The following BAHD1 variants were observed in gnomAD, a reference collection of about 807,000 sequenced individuals.
BAHD1 encodes the protein bromo adjacent homology domain-containing 1 protein.
In BAHD1, 20 loss-of-function variants were observed where a neutral mutation model predicts 63.1. The observed-to-expected ratio is 0.32, with a 90% CI of 0.22 to 0.46. BAHD1 has a LOEUF of 0.46. BAHD1 is among the 20% of genes least tolerant of loss of function. The pLI is 1.00. For synonymous variants in BAHD1, 408 were observed against 426.8 expected (o/e 0.96, Z 0.54); for missense variants, 939 against 1,071.8 (o/e 0.88, Z 1.73).
At position 40,459,492 on chromosome 15, in the gene BAHD1, A is replaced by G. The variant is rs202104894; in HGVS notation, c.1028A>G (p.His343Arg). The change falls in exon 2 of 7, where the codon CAT becomes CGT. Residue 343 changes from histidine (H) to arginine (R), a missense_variant. Transcript: ENST00000416165. ...EESPAPKQEL[H>R]QPSFPTPQLS... ...TCACCTGCCCCTAAGCAGGAACTGCATCAGCCCTCTTTCCCCACACCTCAG... is the reference window on the plus strand; with the variant it reads ...TCACCTGCCCCTAAGCAGGAACTGCGTCAGCCCTCTTTCCCCACACCTCAG... The G allele has an allele frequency of 5.3e-5, 85 of 1,613,848 alleles. No individual in the cohort carries two copies. Among genetic ancestry groups the G allele is most frequent in the Non-Finnish European group, 3.6e-5 (42 of 1,180,026 alleles).
At chr15:40,451,820 C>T (rs1424557836) in intron 1 of BAHD1, among the ~76,000 whole-genome samples, 1 of 152,256 alleles carries the variant, frequency 6.6e-6, no homozygotes, top group Non-Finnish European at 1.5e-5. Flanking sequence ...CTTATGCACA[C>T]ATGAGTTGTG....
Position 40,466,008 on chromosome 15 carries a change from T to G in BAHD1, c.2221T>G (p.Ser741Ala). ...PSRKTALVPP[S>A]ADYSTPPHRT... is the part of the protein sequence containing the mutation. Reference sequence around the variant, plus strand: ...CCGAAAGACAGCACTGGTTCCCCCCTCTGCAGACTATTCCACCCCACCCCA... The same window carrying G: ...CCGAAAGACAGCACTGGTTCCCCCCGCTGCAGACTATTCCACCCCACCCCA... The change falls in exon 7 of 7, where the codon TCT (serine) becomes GCT (alanine). Residue 741 changes from serine to alanine, a missense_variant. Physicochemically the swap from Ser to Ala is moderately conservative, Grantham distance 99. Around this residue, in one of 5 missense-constraint regions of BAHD1, gnomAD observed 68 missense variants for 86.2 expected, o/e 0.79. Transcript: ENST00000416165. The G allele has an allele frequency of 6.2e-7, 1 of 1,613,544 alleles. No individual in the cohort carries two copies.
chr15:40,452,210 T>C (rs1008062010), intron 1 of BAHD1, among the ~76,000 whole-genome samples: 1 of 152,236 alleles, frequency 6.6e-6, no homozygotes, highest in Non-Finnish European at 1.5e-5. Context: ...ACAGAATGAA[T>C]TGAGTGCCCG....
At chr15:40,465,069 G>A (rs560939775) in intron 5 of BAHD1, 5 of 510,034 alleles carry the variant, frequency 9.8e-6, no homozygotes, top group South Asian at 4.6e-5. Context: ...CCTCTCCTAC[G>A]CTAGGCAGGG....
In BAHD1 at chr15:40,457,299, G is replaced by A. The variant is rs1240962902; in HGVS notation, c.-14-1152G>A. Among the ~76,000 whole-genome samples the A allele has an allele frequency of 2.0e-5, 3 of 151,458 alleles. No homozygotes were observed. The East Asian group carries it at 5.9e-4, about 30-fold the overall frequency. ...CGTCCCTGGGTTTTCTCTACCCCCA[G>A]GAATATGCTGATCCTGGCCTTACTG... On this transcript the variant is annotated intron_variant, in intron 1 of 6. Transcript: ENST00000416165.
chr15:40,448,476 G>A (rs1893608851), intron 1 of BAHD1, among the ~76,000 whole-genome samples: 1 of 152,194 alleles, frequency 6.6e-6, no homozygotes, highest in South Asian at 2.1e-4. Context: ...GAGGCAGTGT[G>A]TTGCAGTGCA....
At chr15:40,464,406 C>A in intron 4 of BAHD1, 65 bp from the exon 5 acceptor site, 4 of 1,432,092 alleles carry the variant, frequency 2.8e-6, no homozygotes, top group Non-Finnish European at 2.9e-6. Flanking sequence ...GCCAGCCAGC[C>A]TCTCTGCCTG....
Position 40,459,412 on chromosome 15 carries a change from G to T in BAHD1, c.948G>T (p.Leu316=), listed in dbSNP as rs776179953. 1 of 1,613,026 alleles carries T rather than the reference G, an allele frequency of 6.2e-7. No homozygotes were observed. The highest frequency in any genetic ancestry group is 1.3e-5 in the African/African-American group (1 of 74,922). Residue 316 remains leucine, a synonymous_variant, in exon 2 of 7, where the codon CTG becomes CTT. Transcript: ENST00000416165. ...SPLGLRPHLP[L]LMGGQAALKP... ...TGGGGCTGCGCCCTCACCTGCCCCT[G>T]CTGATGGGTGGACAGGCGGCTCTGA...
In BAHD1 at chr15:40,459,591, T is replaced by G; in HGVS notation, c.1127T>G (p.Leu376Arg). Residue 376 changes from leucine to arginine, a missense_variant, in exon 2 of 7, where the codon CTA becomes CGA. Leu to Arg is a moderately radical substitution (Grantham distance 102). Coordinates refer to ENST00000416165, the MANE Select transcript of BAHD1 (RefSeq NM_014952.5). ...GLCVGPELTA[L>R]GSFYLYCGQE... ...TGTGTTGGGCCTGAGCTCACTGCAC[T>G]AGGCAGCTTCTACCTGTACTGTGGC... The G allele has an allele frequency of 1.9e-6, 3 of 1,614,208 alleles. No individual in the cohort carries two copies. The highest frequency in any genetic ancestry group is 2.5e-6 in the Non-Finnish European group (3 of 1,180,038).
chr15:40,459,231 A>C lies in BAHD1; in HGVS notation c.767A>C (p.Asn256Thr). Reference protein sequence around the residue: ...RPKWPKVNGKNYPKAWQGASS... With the variant: ...RPKWPKVNGKTYPKAWQGASS... ...AAGTGGCCCAAGGTCAATGGCAAGA[A>C]CTATCCCAAGGCTTGGCAGGGGGCC... The change falls in exon 2 of 7, where the codon AAC (asparagine) becomes ACC (threonine). Residue 256 changes from asparagine (N) to threonine (T), a missense_variant. Transcript: ENST00000416165. The C allele has an allele frequency of 6.2e-7, 1 of 1,612,302 alleles. No individual in the cohort carries two copies. The highest frequency in any genetic ancestry group is 1.7e-4 in the Middle Eastern group (1 of 6,056).
rs1349607517 is a variant in BAHD1, at chr15:40,441,050, C to T, written c.-233C>T. Among the ~76,000 whole-genome samples the T allele has an allele frequency of 6.8e-6, 1 of 145,992 alleles. No individual in the cohort carries two copies. Among genetic ancestry groups the T allele is most frequent in the Non-Finnish European group, 1.5e-5 (1 of 65,708 alleles). ...CCTGCCCCGCCCGTCCGGCCCCCGCCGTCCGCCCGCCCCGGCCAGGCGCGC... is the reference window on the plus strand; with the variant it reads ...CCTGCCCCGCCCGTCCGGCCCCCGCTGTCCGCCCGCCCCGGCCAGGCGCGC... On this transcript the variant is annotated 5_prime_UTR_variant, in exon 1 of 7. Coordinates refer to ENST00000416165, the MANE Select transcript of BAHD1 (RefSeq NM_014952.5).
At chr15:40,460,927 A>G (rs1480559664) in intron 2 of BAHD1, among the ~76,000 whole-genome samples, 1 of 152,088 alleles carries the variant, frequency 6.6e-6, no homozygotes, top group Non-Finnish European at 1.5e-5. Context: ...TTTTTGTGCC[A>G]TTCCCCAAGT....
At chr15:40,464,380 A>T in intron 4 of BAHD1, 91 bp from the exon 5 acceptor site, 1 of 1,146,082 alleles carries the variant, frequency 8.7e-7, no homozygotes, top group South Asian at 1.4e-5. Context: ...TTGAGGTTGG[A>T]TGAACCTCCA....
At chr15:40,461,047 A>G (rs1894023837) in intron 2 of BAHD1, among the ~76,000 whole-genome samples, 1 of 152,196 alleles carries the variant, frequency 6.6e-6, no homozygotes, top group African/African-American at 2.4e-5. Flanking sequence ...GTAATTGAGC[A>G]CAGACTCCGA....
intron 1 of BAHD1, among the ~76,000 whole-genome samples, chr15:40,441,899 T>C (rs1893415046): frequency 6.7e-6 from 1 of 149,928 alleles, no homozygotes; most frequent in African/African-American, 2.5e-5. Flanking sequence ...GGGGGAGTAG[T>C]GTAGACCCGA....
intron 1 of BAHD1, among the ~76,000 whole-genome samples, chr15:40,446,906 A>C (rs751505425): frequency 6.6e-6 from 1 of 152,172 alleles, no homozygotes; most frequent in Non-Finnish European, 1.5e-5. Flanking sequence ...GGGGACTCCT[A>C]GCCTCCATCA....
chr15:40,438,558 C>A (rs889116956), upstream of BAHD1, among the ~76,000 whole-genome samples: 3 of 152,124 alleles, frequency 2.0e-5, no homozygotes, highest in Admixed American at 6.5e-5. Context: ...ACTCCTCCAG[C>A]GGCCAGGCAG....
chr15:40,449,310 C>T (rs1411988509), intron 1 of BAHD1, among the ~76,000 whole-genome samples: 1 of 152,174 alleles, frequency 6.6e-6, no homozygotes, highest in Non-Finnish European at 1.5e-5. Context: ...TCAGAAATTT[C>T]CAACCCTGCA....
chr15:40,442,081 G>C (rs1250429999), intron 1 of BAHD1, among the ~76,000 whole-genome samples: 3 of 152,168 alleles, frequency 2.0e-5, no homozygotes, highest in Non-Finnish European at 2.9e-5. Flanking sequence ...GCGGGACCCT[G>C]TGCTCGCGGC....
Sources: gnomAD v4.1 joint callset for allele counts (sites outside exome capture counted in the v4.1 genomes callset) on GRCh38, gnomAD v4.1.1 for gene constraint, gnomAD v4.1.1 regional missense constraint, MANE v1.5 for transcripts, NCBI Gene and HGNC (gene_info 2026-07-23, HGNC 2026-07-21) for gene names.